Variants in CPNE8 observed in about 807,000 individuals in gnomAD.
The protein encoded by CPNE8 is copine 8, also known as copine-8.
CPNE8 carries 45 observed loss-of-function variants against 81.5 expected under a neutral mutation model. The observed-to-expected ratio is 0.55, with a 90% confidence interval of 0.44 to 0.71. CPNE8 has a LOEUF of 0.71. CPNE8 is among the 30% of genes least tolerant of loss of function. CPNE8 has a pLI of 0.00. For synonymous variants in CPNE8, 252 were observed against 226.3 expected (o/e 1.11, Z -1.02); for missense variants, 594 against 672.1 (o/e 0.88, Z 1.28).
intron 6 of CPNE8, among the ~76,000 whole-genome samples, chr12:38,826,838 G>A (rs1943201972): frequency 6.6e-6 from 1 of 151,704 alleles, no homozygotes; most frequent in Admixed American, 6.6e-5. Flanking sequence ...TAAAAAAACA[G>A]ATAAAAATTT....
chr12:38,659,631 G>C (rs941102198), intron 19 of CPNE8, among the ~76,000 whole-genome samples: 3 of 152,118 alleles, frequency 2.0e-5, no homozygotes, highest in African/African-American at 4.8e-5. Context: ...TTCCAAAATT[G>C]ACCACAGAGT....
intron 3 of CPNE8, among the ~76,000 whole-genome samples, chr12:38,862,196 G>A (rs1192866451): frequency 1.3e-5 from 2 of 151,826 alleles, no homozygotes; most frequent in Non-Finnish European, 2.9e-5. Flanking sequence ...AAGCACATGT[G>A]GTCAACAAGA....
chr12:38,699,698 C>CTT (rs10569297), intron 14 of CPNE8, among the ~76,000 whole-genome samples: 1 of 147,398 alleles, frequency 6.8e-6, no homozygotes, highest in African/African-American at 2.5e-5. Flanking sequence ...GCTTTCTAAA[C>CTT]TTTTTTTTTT....
In CPNE8 at chr12:38,677,525, T is replaced by C. The variant is rs1939316501; in HGVS notation, c.1301A>G (p.Gln434Arg). The stretch of plus-strand genomic sequence containing the variant: ...TGTAACAATCAGAAGCACAAAATAC[T>C]GGGAGCCATCCTTTACAGAAGAAGC... The part of the protein sequence containing the change: ...RYASSVKDGS[Q>R]YFVLLIVTDG... Residue 434 changes from glutamine (Q) to arginine (R), a missense_variant, in exon 17 of 20, where the codon CAG becomes CGG. By Grantham distance (43) the Gln-to-Arg change is conservative. Coordinates refer to ENST00000331366, the MANE Select transcript of CPNE8 (RefSeq NM_153634.3). The C allele has an allele frequency of 5.0e-6, 8 of 1,612,034 alleles. No individual in the cohort carries two copies. The highest frequency in any genetic ancestry group is 6.8e-6 in the Non-Finnish European group (8 of 1,178,596).
At chr12:38,758,404 T>G (rs1429388899) in intron 10 of CPNE8, among the ~76,000 whole-genome samples, 1 of 152,174 alleles carries the variant, frequency 6.6e-6, no homozygotes, top group Non-Finnish European at 1.5e-5. Flanking sequence ...TAAATTTTCC[T>G]TATAGTCTTC....
chr12:38,774,504 A>G (rs1041379176), intron 7 of CPNE8, among the ~76,000 whole-genome samples: 1 of 152,190 alleles, frequency 6.6e-6, no homozygotes, highest in Non-Finnish European at 1.5e-5. Context: ...CTGCATTTAA[A>G]TAATTATGCT....
chr12:38,678,986 G>A (rs762851635), intron 16 of CPNE8, among the ~76,000 whole-genome samples: 1 of 151,604 alleles, frequency 6.6e-6, no homozygotes, highest in Non-Finnish European at 1.5e-5. Flanking sequence ...AACTTTTTTT[G>A]TTTTAAAGAA....
At chr12:38,672,563 A>G (rs1193504319) in intron 18 of CPNE8, among the ~76,000 whole-genome samples, 1 of 152,204 alleles carries the variant, frequency 6.6e-6, no homozygotes, top group Non-Finnish European at 1.5e-5. Flanking sequence ...CTTTCTAGCC[A>G]TGGGAGACAC....
chr12:38,860,613 CATTACAGCATT>C (rs1943816932), intron 3 of CPNE8, among the ~76,000 whole-genome samples: 2 of 151,042 alleles, frequency 1.3e-5, no homozygotes, highest in Admixed American at 1.3e-4. Flanking sequence ...CTCCTATGTT[CATTACAGCATT>C]ATTCACAATA....
At chr12:38,682,129 A>G (rs895973988) in intron 16 of CPNE8, among the ~76,000 whole-genome samples, 1 of 152,198 alleles carries the variant, frequency 6.6e-6, no homozygotes, top group African/African-American at 2.4e-5. Flanking sequence ...CTGAGGCACA[A>G]GAATTGCTTG....
intron 10 of CPNE8, among the ~76,000 whole-genome samples, chr12:38,747,574 C>T (rs1941256536): frequency 6.6e-6 from 1 of 152,040 alleles, no homozygotes; most frequent in Admixed American, 6.6e-5. Context: ...ATGGTTGATA[C>T]ATCTTTTCCA....
intron 19 of CPNE8, among the ~76,000 whole-genome samples, chr12:38,659,865 C>G (rs986651116): frequency 6.6e-6 from 1 of 152,062 alleles, no homozygotes; most frequent in Non-Finnish European, 1.5e-5. Flanking sequence ...CCATTCACAA[C>G]TGCTACAAAG....
At chr12:38,832,176 A>G (rs1258990636) in intron 5 of CPNE8, among the ~76,000 whole-genome samples, 2 of 152,174 alleles carry the variant, frequency 1.3e-5, no homozygotes, top group African/African-American at 4.8e-5. Flanking sequence ...GAACTCCACT[A>G]GACTGGTTTG....
intron 7 of CPNE8, among the ~76,000 whole-genome samples, chr12:38,774,383 A>G (rs572280485): frequency 4.6e-4 from 70 of 152,292 alleles, no homozygotes; most frequent in Middle Eastern, 3.4e-3. Flanking sequence ...CAAAACATAT[A>G]TTATTTGAAA....
intron 10 of CPNE8, among the ~76,000 whole-genome samples, chr12:38,758,921 C>G (rs1406165563): frequency 6.6e-6 from 1 of 152,106 alleles, no homozygotes; most frequent in African/African-American, 2.4e-5. Context: ...ATAATTTCAG[C>G]AAATTTAGGA....
chr12:38,833,345 T>G (rs1385582154), intron 5 of CPNE8, among the ~76,000 whole-genome samples: 1 of 133,372 alleles, frequency 7.5e-6, no homozygotes, highest in East Asian at 2.2e-4. Flanking sequence ...GAGTGAGACC[T>G]TATCTCAAAA....
intron 15 of CPNE8, among the ~76,000 whole-genome samples, chr12:38,686,092 G>A (rs2136660468): frequency 6.6e-6 from 1 of 152,152 alleles, no homozygotes; most frequent in South Asian, 2.1e-4. Flanking sequence ...CAGTGAACAT[G>A]TATTAAAATT....
intron 1 of CPNE8, among the ~76,000 whole-genome samples, chr12:38,889,246 G>T (rs1286667126): frequency 6.6e-6 from 1 of 151,768 alleles, no homozygotes; most frequent in Non-Finnish European, 1.5e-5. Flanking sequence ...GTGAAATGTG[G>T]AATATGTATA....
At chr12:38,667,446 G>C (rs958170251) in intron 19 of CPNE8, among the ~76,000 whole-genome samples, 1 of 152,188 alleles carries the variant, frequency 6.6e-6, no homozygotes, top group Non-Finnish European at 1.5e-5. Flanking sequence ...TTCAAGGTGA[G>C]AGAGGAGGTG....
Sources: allele counts gnomAD v4.1 joint callset (sites outside exome capture counted in the v4.1 genomes callset), GRCh38; gene constraint gnomAD v4.1.1; transcripts MANE v1.5; gene names NCBI Gene and HGNC (gene_info 2026-07-23, HGNC 2026-07-21).